AFG2A: variants seen among roughly 807,000 people sequenced by gnomAD.
The protein encoded by AFG2A is AAA ATPase AFG2A.
the AFG2A span, among the ~76,000 whole-genome samples, chr4:123,177,823 C>T: frequency 5.3e-5 from 8 of 152,220 alleles, no homozygotes; most frequent in South Asian, 6.2e-4. Flanking sequence ...CACATTGAGC[C>T]GCATGGCCGC....
the AFG2A span, among the ~76,000 whole-genome samples, chr4:123,043,638 A>G: frequency 6.6e-6 from 1 of 152,202 alleles, no homozygotes; most frequent in Non-Finnish European, 1.5e-5. Context: ...TATATTTTTT[A>G]CATTAGTAAT....
chr4:123,037,731 T>G, the AFG2A span, among the ~76,000 whole-genome samples: 59 of 152,246 alleles, frequency 3.9e-4, no homozygotes, highest in African/African-American at 1.3e-3. Context: ...GAATTTGAAT[T>G]GCTGGTACTG....
chr4:123,013,780 A>G, the AFG2A span, among the ~76,000 whole-genome samples: 1 of 152,210 alleles, frequency 6.6e-6, no homozygotes, highest in Admixed American at 6.5e-5. Context: ...CTTGTAAGAT[A>G]ATACAAGATA....
chr4:123,165,176 T>C, the AFG2A span, among the ~76,000 whole-genome samples: 3 of 152,110 alleles, frequency 2.0e-5, no homozygotes, highest in Admixed American at 2.0e-4. Flanking sequence ...AGGAAAATTA[T>C]AGAGAAAAAA....
At chr4:123,079,895 G>A in the AFG2A span, among the ~76,000 whole-genome samples, 9 of 151,240 alleles carry the variant, frequency 6.0e-5, no homozygotes, top group Non-Finnish European at 8.8e-5. Flanking sequence ...GACTACAGGC[G>A]CCCACTACCA....
the AFG2A span, among the ~76,000 whole-genome samples, chr4:123,131,910 A>AATTAATAACATTTTATAT: frequency 1.8e-5 from 1 of 54,312 alleles, no homozygotes. Context: ...TATTTTCCAC[A>AATTAATAACATTTTATAT]GCAGCTGCAC....
the AFG2A span, among the ~76,000 whole-genome samples, chr4:123,064,184 A>G: frequency 6.6e-6 from 1 of 152,168 alleles, no homozygotes; most frequent in Admixed American, 6.6e-5. Context: ...CATATTTTAT[A>G]TTGTAAGAGG....
the AFG2A span, among the ~76,000 whole-genome samples, chr4:122,932,274 C>T: frequency 1.0e-4 from 13 of 129,902 alleles, 1 homozygote; most frequent in South Asian, 2.9e-3. Flanking sequence ...GACCTCATCT[C>T]AAAAAAAAAA....
the AFG2A span, among the ~76,000 whole-genome samples, chr4:123,223,814 T>C: frequency 6.6e-6 from 1 of 152,238 alleles, no homozygotes; most frequent in East Asian, 1.9e-4. Context: ...TTTTGGAGAC[T>C]AACCCCTAAT....
At chr4:123,089,546 A>G in the AFG2A span, among the ~76,000 whole-genome samples, 1 of 152,060 alleles carries the variant, frequency 6.6e-6, no homozygotes, top group Admixed American at 6.6e-5. Flanking sequence ...TGTGTGATAC[A>G]GGGTTTTGTT....
At chr4:123,026,629 G>C in the AFG2A span, among the ~76,000 whole-genome samples, 3 of 152,180 alleles carry the variant, frequency 2.0e-5, no homozygotes, top group Non-Finnish European at 4.4e-5. Context: ...CTGTACTTAT[G>C]TTATAAAGCA....
the AFG2A span, among the ~76,000 whole-genome samples, chr4:123,232,521 A>G: frequency 6.6e-6 from 1 of 152,076 alleles, no homozygotes; most frequent in South Asian, 2.1e-4. Flanking sequence ...GATTTTAACA[A>G]GAATCATTTT....
chr4:123,294,596 A>C, the AFG2A span, among the ~76,000 whole-genome samples: 1 of 152,332 alleles, frequency 6.6e-6, no homozygotes, highest in African/African-American at 2.4e-5. Flanking sequence ...GTTGAAGCCA[A>C]CATGCCTGGG....
the AFG2A span, among the ~76,000 whole-genome samples, chr4:122,990,338 T>G: frequency 1.3e-5 from 2 of 152,218 alleles, no homozygotes; most frequent in Non-Finnish European, 2.9e-5. Context: ...TCATCACAGT[T>G]GTACTCTTTC....
the AFG2A span, among the ~76,000 whole-genome samples, chr4:123,132,081 G>A: frequency 2.0e-5 from 3 of 151,984 alleles, no homozygotes; most frequent in African/African-American, 4.8e-5. Context: ...ATATTTTCAT[G>A]TGCTTCTTGG....
chr4:123,313,819 T>C, the AFG2A span: 12 of 1,365,276 alleles, frequency 8.8e-6, no homozygotes, highest in Admixed American at 2.9e-4. Flanking sequence ...ATATTTGGAA[T>C]ATTATGTTTC....
chr4:123,035,727 A>T, the AFG2A span, among the ~76,000 whole-genome samples: 1 of 151,844 alleles, frequency 6.6e-6, no homozygotes, highest in East Asian at 1.9e-4. Flanking sequence ...GCTGATATAT[A>T]AAAAAAAGTC....
chr4:123,007,282 A>C, the AFG2A span, among the ~76,000 whole-genome samples: 3 of 151,954 alleles, frequency 2.0e-5, no homozygotes, highest in African/African-American at 4.8e-5. Context: ...CCTATGAATT[A>C]TGAGTTTCCA....
At chr4:122,999,190 T>C in the AFG2A span, among the ~76,000 whole-genome samples, 2 of 149,154 alleles carry the variant, frequency 1.3e-5, no homozygotes. Context: ...TTGAGTTCAT[T>C]GTAGATTCTG....
Sources: gnomAD v4.1 joint callset for allele counts (sites outside exome capture counted in the v4.1 genomes callset) on GRCh38, gnomAD v4.1.1 for gene constraint, MANE v1.5 for transcripts, NCBI Gene and HGNC (gene_info 2026-07-23, HGNC 2026-07-21) for gene names.